KCND2: variants seen among roughly 807,000 people sequenced by gnomAD.
KCND2 encodes potassium voltage-gated channel subfamily D member 2, also known as A-type voltage-gated potassium channel KCND2.
KCND2 carries 16 observed loss-of-function variants against 54.4 expected under a neutral mutation model. The ratio of observed to expected loss-of-function variants is 0.29; its 90% CI spans 0.20 to 0.45. The LOEUF (loss-of-function observed/expected upper bound fraction) is 0.45. Ranked by LOEUF, KCND2 falls within the 20% of genes least tolerant of loss-of-function variation. The pLI is 1.00. For synonymous variants in KCND2, 317 were observed against 310.7 expected (o/e 1.02, Z -0.21); for missense variants, 486 against 824.2 (o/e 0.59, Z 5.02).
At chr7:120,573,177 C>T (rs1792386638) in intron 1 of KCND2, among the ~76,000 whole-genome samples, 1 of 152,146 alleles carries the variant, frequency 6.6e-6, no homozygotes, top group South Asian at 2.1e-4. Flanking sequence ...TTTCATCTTC[C>T]ATAGCAGTTA....
rs533739525 is a variant in KCND2 at position 120,310,888 on chromosome 7, A to G, written c.1115+35141A>G. Among the ~76,000 whole-genome samples the G allele has an allele frequency of 9.6e-4, 143 of 149,370 alleles. 2 individuals are homozygous for G. The highest frequency in any genetic ancestry group is 3.3e-4 in the Non-Finnish European group (22 of 67,418). ...GAGTTGGAGGTTGCAGTGAGCTGAG[A>G]TTGCCCCACTGCACTCCAGCCTGGG... On this transcript the variant is annotated intron_variant, in intron 1 of 5. Coordinates refer to ENST00000331113, the MANE Select transcript of KCND2 (RefSeq NM_012281.3).
intron 5 of KCND2, 42 bp from the exon 6 acceptor site, chr7:120,747,639 A>T: frequency 7.0e-7 from 1 of 1,434,806 alleles, no homozygotes; most frequent in Non-Finnish European, 9.8e-7. Context: ...AAAACATTTT[A>T]AGTAAACAAC....
At chr7:120,665,918 G>A (rs920237976) in intron 1 of KCND2, among the ~76,000 whole-genome samples, 2 of 151,860 alleles carry the variant, frequency 1.3e-5, no homozygotes, top group African/African-American at 4.8e-5. Flanking sequence ...TTTCAAATAC[G>A]GTCCATATTT....
At chr7:120,591,510 A>G (rs1792671354) in intron 1 of KCND2, among the ~76,000 whole-genome samples, 1 of 152,222 alleles carries the variant, frequency 6.6e-6, no homozygotes, top group Non-Finnish European at 1.5e-5. Context: ...AAAGTAATGC[A>G]GTGGAAAGTC....
intron 1 of KCND2, among the ~76,000 whole-genome samples, chr7:120,602,943 C>T (rs1238356602): frequency 2.0e-5 from 3 of 152,288 alleles, no homozygotes; most frequent in Non-Finnish European, 2.9e-5. Flanking sequence ...GAACTCAACA[C>T]AAATTGTGTG....
At chr7:120,681,780 GTTTTA>G (rs1562908035) in intron 1 of KCND2, among the ~76,000 whole-genome samples, 1 of 151,934 alleles carries the variant, frequency 6.6e-6, no homozygotes, top group Non-Finnish European at 1.5e-5. Flanking sequence ...GTGAATGCTG[GTTTTA>G]TATCAGAAAT....
intron 1 of KCND2, among the ~76,000 whole-genome samples, chr7:120,627,881 GA>G (rs1214675548): frequency 5.9e-5 from 9 of 151,912 alleles, no homozygotes; most frequent in East Asian, 1.9e-4. Context: ...ATAAAGAGGA[GA>G]AAAAAATCCA....
chr7:120,287,221 A>G (rs540449257), intron 1 of KCND2, among the ~76,000 whole-genome samples: 6 of 152,128 alleles, frequency 3.9e-5, no homozygotes, highest in Admixed American at 2.0e-4. Context: ...GATAATATGT[A>G]TACACATAAA....
At chr7:120,520,124 G>A (rs1188831257) in intron 1 of KCND2, among the ~76,000 whole-genome samples, 1 of 151,918 alleles carries the variant, frequency 6.6e-6, no homozygotes, top group African/African-American at 2.4e-5. Context: ...ATATAACACT[G>A]AGATAAAAAT....
intron 1 of KCND2, among the ~76,000 whole-genome samples, chr7:120,580,483 G>A (rs1322161132): frequency 1.3e-5 from 2 of 152,068 alleles, no homozygotes; most frequent in Non-Finnish European, 2.9e-5. Context: ...CCGGAAACTT[G>A]AAAACTGGCA....
At chr7:120,501,749 A>G (rs908549426) in intron 1 of KCND2, among the ~76,000 whole-genome samples, 11 of 152,114 alleles carry the variant, frequency 7.2e-5, no homozygotes, top group African/African-American at 2.7e-4. Context: ...TACTTTGTTT[A>G]TAGAATTTCA....
chr7:120,539,892 A>G (rs1001746713), intron 1 of KCND2, among the ~76,000 whole-genome samples: 1 of 152,150 alleles, frequency 6.6e-6, no homozygotes, highest in African/African-American at 2.4e-5. Context: ...GTTAACTTCA[A>G]ATAGCATTTA....
chr7:120,479,876 A>G (rs1247319875), intron 1 of KCND2, among the ~76,000 whole-genome samples: 1 of 150,402 alleles, frequency 6.6e-6, no homozygotes, highest in Non-Finnish European at 1.5e-5. Flanking sequence ...CTGAAGCACA[A>G]GAATCACTTG....
chr7:120,583,784 T>TGGC (rs1554371905), intron 1 of KCND2, among the ~76,000 whole-genome samples: 1 of 142,586 alleles, frequency 7.0e-6, no homozygotes, highest in African/African-American at 2.8e-5. Flanking sequence ...ATAGGAATTG[T>TGGC]GGGGGGGGGG....
intron 1 of KCND2, among the ~76,000 whole-genome samples, chr7:120,718,501 T>C (rs1003970251): frequency 5.3e-4 from 80 of 152,294 alleles, no homozygotes; most frequent in African/African-American, 1.9e-3. Flanking sequence ...TGGATTACAC[T>C]GACTCTTGTT....
At chr7:120,600,275 GC>G (rs1792797958) in intron 1 of KCND2, among the ~76,000 whole-genome samples, 2 of 151,774 alleles carry the variant, frequency 1.3e-5, no homozygotes, top group South Asian at 4.2e-4. Context: ...ATACCAAAAA[GC>G]TTTTTTAGTC....
chr7:120,369,663 G>A (rs182106104), intron 1 of KCND2, among the ~76,000 whole-genome samples: 62 of 151,954 alleles, frequency 4.1e-4, no homozygotes, highest in African/African-American at 1.4e-3. Context: ...CTTTTAATAG[G>A]CACTGTTTCT....
intron 1 of KCND2, among the ~76,000 whole-genome samples, chr7:120,584,212 T>A (rs960096234): frequency 1.3e-5 from 2 of 152,236 alleles, no homozygotes; most frequent in Admixed American, 1.3e-4. Flanking sequence ...AATTATGTCA[T>A]CACACATATG....
At chr7:120,485,302 T>G (rs1802677713) in intron 1 of KCND2, among the ~76,000 whole-genome samples, 1 of 152,218 alleles carries the variant, frequency 6.6e-6, no homozygotes, top group South Asian at 2.1e-4. Flanking sequence ...TTCTACAACT[T>G]GTAAAACTCT....
Sources: allele counts gnomAD v4.1 joint callset (sites outside exome capture counted in the v4.1 genomes callset), GRCh38; gene constraint gnomAD v4.1.1; transcripts MANE v1.5; gene names NCBI Gene and HGNC (gene_info 2026-07-23, HGNC 2026-07-21).